Variants in ADARB2 observed in about 807,000 individuals in gnomAD.
ADARB2 encodes inactive double-stranded RNA-specific editase B2.
ADARB2 carries 25 observed loss-of-function variants against 62.2 expected under a neutral mutation model. That is an observed-to-expected ratio of 0.40 (90% CI 0.29 to 0.56). The LOEUF (loss-of-function observed/expected upper bound fraction) is 0.56. Ranked by LOEUF, ADARB2 falls within the 20% of genes least tolerant of loss-of-function variation. ADARB2 has a pLI of 0.43. For synonymous variants in ADARB2, 572 were observed against 500.8 expected (o/e 1.14, Z -1.90); for missense variants, 1,071 against 1,077.4 (o/e 0.99, Z 0.08).
intron 7 of ADARB2, among the ~76,000 whole-genome samples, chr10:1,205,741 CA>C (rs1462316278): frequency 6.6e-6 from 1 of 152,274 alleles, no homozygotes; most frequent in Non-Finnish European, 1.5e-5. Flanking sequence ...CCTCCAGCGC[CA>C]AGAGGAGCGG....
intron 2 of ADARB2, among the ~76,000 whole-genome samples, chr10:1,377,061 T>C (rs1206128314): frequency 8.1e-6 from 1 of 123,174 alleles, no homozygotes; most frequent in Non-Finnish European, 1.7e-5. Flanking sequence ...TGTGTGCTCC[T>C]GGGGTGTGTG....
At chr10:1,351,048 C>A (rs913787028) in intron 3 of ADARB2, among the ~76,000 whole-genome samples, 2 of 152,080 alleles carry the variant, frequency 1.3e-5, no homozygotes, top group African/African-American at 4.8e-5. Context: ...GGCCACCGGG[C>A]CAAGGAATGC....
intron 1 of ADARB2, among the ~76,000 whole-genome samples, chr10:1,580,273 C>G (rs1347043720): frequency 1.3e-5 from 2 of 152,182 alleles, no homozygotes; most frequent in Non-Finnish European, 2.9e-5. Context: ...TCCTCCTGCC[C>G]TCCACCATCA....
intron 1 of ADARB2, among the ~76,000 whole-genome samples, chr10:1,479,472 T>TTGGAG (rs978232166): frequency 6.6e-5 from 10 of 152,102 alleles, no homozygotes; most frequent in Non-Finnish European, 1.3e-4. Context: ...GTAGAGCAGC[T>TTGGAG]TGGAGTAGAG....
At chr10:1,321,045 A>G (rs1425250108) in intron 3 of ADARB2, among the ~76,000 whole-genome samples, 13 of 152,180 alleles carry the variant, frequency 8.5e-5, no homozygotes, top group Non-Finnish European at 5.9e-5. Context: ...AACCTAAACA[A>G]CAGGTTTCAT....
chr10:1,676,466 T>G (rs750069453), intron 1 of ADARB2, among the ~76,000 whole-genome samples: 3 of 152,220 alleles, frequency 2.0e-5, no homozygotes, highest in Non-Finnish European at 2.9e-5. Context: ...AAAAATAGCT[T>G]TAATGGTGCA....
At chr10:1,633,570 ATCTATCTATCTATC>A (rs1471278865) in intron 1 of ADARB2, among the ~76,000 whole-genome samples, 2 of 145,976 alleles carry the variant, frequency 1.4e-5, no homozygotes, top group African/African-American at 5.4e-5. Context: ...CTATCTATCT[ATCTATCTATCTATC>A]TATCTATCTA....
intron 1 of ADARB2, among the ~76,000 whole-genome samples, chr10:1,726,964 G>A (rs775151926): frequency 2.0e-5 from 3 of 152,068 alleles, no homozygotes; most frequent in East Asian, 1.9e-4. Flanking sequence ...GCTCTCTGGC[G>A]TTTTTAGAAC....
In ADARB2 at chr10:1,184,829, C is replaced by CAGT. The variant is rs536539048; in HGVS notation, c.2043+31_2043+32insACT. ...GGCTGGAGCCAGGGTCTGGCTGGGT[C>CAGT]CAGTTTCCCTGCAAGGATGGGTGCG... On this transcript the variant is annotated intron_variant, in intron 9 of 9. Transcript: ENST00000381312. 1,681 of 1,600,348 alleles carry CAGT rather than the reference C, an allele frequency of 1.1e-3. 16 individuals carry two copies. In the African/African-American group the frequency reaches 0.019, roughly 18 times the overall value.
intron 1 of ADARB2, among the ~76,000 whole-genome samples, chr10:1,492,030 G>A (rs1240589074): frequency 2.0e-5 from 3 of 152,282 alleles, no homozygotes; most frequent in South Asian, 4.1e-4. Flanking sequence ...TGTGATATAA[G>A]CATCACTCAT....
intron 8 of ADARB2, 73 bp from the exon 9 acceptor site, chr10:1,185,112 G>A (rs895293169): frequency 2.4e-5 from 37 of 1,518,902 alleles, no homozygotes; most frequent in African/African-American, 1.2e-4. Context: ...GGGCAGCTGC[G>A]GGGAAATGGA....
intron 1 of ADARB2, among the ~76,000 whole-genome samples, chr10:1,713,057 T>C (rs973369906): frequency 6.6e-6 from 1 of 152,122 alleles, no homozygotes; most frequent in South Asian, 2.1e-4. Flanking sequence ...CTAGCTGACA[T>C]CAGATTTTAA....
chr10:1,667,682 G>C (rs1001467872), intron 1 of ADARB2, among the ~76,000 whole-genome samples: 4 of 152,086 alleles, frequency 2.6e-5, no homozygotes, highest in Admixed American at 2.6e-4. Context: ...TGAATTATTT[G>C]TTGCAAACCC....
chr10:1,439,303 G>A (rs1212589165), intron 1 of ADARB2, among the ~76,000 whole-genome samples: 6 of 136,464 alleles, frequency 4.4e-5, no homozygotes, highest in Non-Finnish European at 7.8e-5. Flanking sequence ...TCACTATGGG[G>A]CTTCTGAGTC....
intron 1 of ADARB2, among the ~76,000 whole-genome samples, chr10:1,506,145 AC>A (rs1831844190): frequency 6.6e-6 from 1 of 152,054 alleles, no homozygotes. Context: ...GTCTGTCATG[AC>A]GGTCCTTTGG....
rs75141778 is a variant in ADARB2 at position 1,345,506 on chromosome 10, G to T, written c.1077+17522C>A. 4.5e-3 allele frequency among the ~76,000 whole-genome samples: 691 copies of T among 152,278 alleles called. 6 individuals are homozygous for T. Among genetic ancestry groups the T allele is most frequent in the African/African-American group, 0.016 (658 of 41,542 alleles). ...TGTGGACACTCCTGTGACCACAGTT[G>T]TCAGAGCTCAACTGACCCCATGTCC... On this transcript the variant is annotated intron_variant, in intron 3 of 9. Coordinates refer to ENST00000381312, the MANE Select transcript of ADARB2 (RefSeq NM_018702.4).
At chr10:1,466,496 G>A (rs1231069064) in intron 1 of ADARB2, among the ~76,000 whole-genome samples, 8 of 152,156 alleles carry the variant, frequency 5.3e-5, no homozygotes, top group Non-Finnish European at 8.8e-5. Flanking sequence ...CCGCACACAT[G>A]GTGGGGGATG....
chr10:1,559,264 G>T (rs1832754909), intron 1 of ADARB2, among the ~76,000 whole-genome samples: 1 of 152,204 alleles, frequency 6.6e-6, no homozygotes, highest in South Asian at 2.1e-4. Flanking sequence ...AGATCATGTT[G>T]CAGTGTGGAT....
At chr10:1,607,645 G>A (rs992610494) in intron 1 of ADARB2, among the ~76,000 whole-genome samples, 6 of 152,284 alleles carry the variant, frequency 3.9e-5, no homozygotes, top group South Asian at 4.1e-4. Flanking sequence ...ACGAGAGCTC[G>A]TTGATGCTGA....
Sources: allele counts gnomAD v4.1 joint callset (sites outside exome capture counted in the v4.1 genomes callset), GRCh38; gene constraint gnomAD v4.1.1; transcripts MANE v1.5; gene names NCBI Gene and HGNC (gene_info 2026-07-23, HGNC 2026-07-21).